The following KMO variants were observed in gnomAD, a reference collection of about 807,000 sequenced individuals.
KMO encodes kynurenine 3-hydroxylase.
Under a neutral mutation model 57.8 loss-of-function variants are expected in KMO, and 24 were observed. The observed-to-expected ratio is 0.42, with a 90% CI of 0.30 to 0.58. KMO has a LOEUF of 0.58. KMO is among the 20% of genes least tolerant of loss of function. KMO has a pLI of 0.22. For missense variants in KMO, 483 were observed against 588.2 expected, an observed-to-expected ratio of 0.82 and a Z score of 1.85; for synonymous variants, 210 against 193.6, an observed-to-expected ratio of 1.08 and a Z score of -0.70.
chr1:241,583,967 A>G (rs979967868), intron 10 of KMO, among the ~76,000 whole-genome samples: 1 of 152,018 alleles, frequency 6.6e-6, no homozygotes, highest in African/African-American at 2.4e-5. Context: ...CATTTATCTC[A>G]TTTACTTATT....
At chr1:241,551,705 A>G (rs1661398078) in intron 4 of KMO, among the ~76,000 whole-genome samples, 1 of 152,210 alleles carries the variant, frequency 6.6e-6, no homozygotes, top group South Asian at 2.1e-4. Context: ...TCGACAACAG[A>G]AAAACTCCAA....
At chr1:241,540,221 A>G (rs1484801755) in intron 1 of KMO, among the ~76,000 whole-genome samples, 1 of 152,182 alleles carries the variant, frequency 6.6e-6, no homozygotes, top group Non-Finnish European at 1.5e-5. Context: ...ATTCATTAGA[A>G]TTTGTGGTTT....
intron 10 of KMO, among the ~76,000 whole-genome samples, chr1:241,569,475 A>G (rs569846845): frequency 5.1e-4 from 78 of 152,202 alleles, no homozygotes; most frequent in African/African-American, 1.8e-3. Flanking sequence ...TGTTGTTGCA[A>G]ATGATGGCAT....
chr1:241,585,293 G>A (rs1662929378), intron 10 of KMO, among the ~76,000 whole-genome samples: 1 of 152,014 alleles, frequency 6.6e-6, no homozygotes, highest in Admixed American at 6.5e-5. Flanking sequence ...ACCTCAGAGA[G>A]TTGTGAAGAG....
intron 14 of KMO, 55 bp downstream of exon 14, chr1:241,590,318 G>T: frequency 1.5e-6 from 2 of 1,326,180 alleles, no homozygotes. Flanking sequence ...AAATGTCATA[G>T]TATTATGATT....
At chr1:241,556,782 G>A (rs1017976586) in intron 5 of KMO, among the ~76,000 whole-genome samples, 1 of 152,052 alleles carries the variant, frequency 6.6e-6, no homozygotes, top group African/African-American at 2.4e-5. Context: ...CCAGCTACTC[G>A]GGAGGCTGAG....
chr1:241,563,902 A>T (rs1661975444), intron 7 of KMO, among the ~76,000 whole-genome samples: 1 of 151,846 alleles, frequency 6.6e-6, no homozygotes, highest in Admixed American at 6.6e-5. Flanking sequence ...CACTCTTCTG[A>T]TGGTTGGAGT....
intron 4 of KMO, among the ~76,000 whole-genome samples, chr1:241,554,501 T>C (rs189636304): frequency 4.6e-5 from 7 of 151,852 alleles, no homozygotes; most frequent in African/African-American, 1.7e-4. Flanking sequence ...CTTAAACTCC[T>C]GACCTCAAGT....
At chr1:241,581,263 T>C (rs1280940658) in intron 10 of KMO, among the ~76,000 whole-genome samples, 1 of 152,078 alleles carries the variant, frequency 6.6e-6, no homozygotes, top group East Asian at 1.9e-4. Context: ...AGTTGAGTCT[T>C]ATCTTTTTAT....
chr1:241,593,772 G>A lies in KMO; in HGVS notation c.*1619G>A, dbSNP rs1229108396. 1.3e-5 allele frequency: 2 copies of A among 155,138 alleles called. No homozygotes were observed. Among genetic ancestry groups the A allele is most frequent in the African/African-American group, 4.8e-5 (2 of 41,434 alleles). 9.6% of individuals were successfully genotyped at this position (155,138 alleles called of 1,614,324 possible). ...AGAGAAACAACAAAACAAAGAAAAA[G>A]AGCTTTGAGTCTGTAGGGGCAGCAA... On this transcript the variant is annotated 3_prime_UTR_variant, in exon 15 of 15. Coordinates refer to ENST00000366559, the MANE Select transcript of KMO (RefSeq NM_003679.5).
chr1:241,560,782 A>G (rs1661806651), intron 6 of KMO, 30 bp downstream of exon 6: 1 of 1,459,646 alleles, frequency 6.9e-7, no homozygotes. Flanking sequence ...TGGACTTCAG[A>G]GGTGAAAGCT....
intron 4 of KMO, among the ~76,000 whole-genome samples, chr1:241,552,938 C>G (rs1214261602): frequency 6.6e-6 from 1 of 152,166 alleles, no homozygotes; most frequent in African/African-American, 2.4e-5. Flanking sequence ...CTCCTCAGTT[C>G]TTAATCCTAA....
At chr1:241,569,010 C>A (rs1274659176) in intron 10 of KMO, among the ~76,000 whole-genome samples, 1 of 151,888 alleles carries the variant, frequency 6.6e-6, no homozygotes, top group Admixed American at 6.6e-5. Flanking sequence ...ATTTTTACAT[C>A]TAATTTTTTA....
intron 10 of KMO, among the ~76,000 whole-genome samples, chr1:241,572,000 G>A (rs796382699): frequency 7.9e-5 from 12 of 151,086 alleles, no homozygotes; most frequent in African/African-American, 2.9e-4. Context: ...CCCAGTAGCT[G>A]GGACTACAGG....
chr1:241,547,331 T>C lies in KMO; in HGVS notation c.55-1498T>C, dbSNP rs375139916. Among the ~76,000 whole-genome samples the C allele has an allele frequency of 1.4e-4, 22 of 152,224 alleles. No homozygotes were observed. The East Asian group carries it at 4.2e-3, about 29-fold the overall frequency. ...AGCTTCTCATACTCAAAATAGACTATAGCATTTAAGAAGCAAGACACAGAA... is the reference window on the plus strand; with the variant it reads ...AGCTTCTCATACTCAAAATAGACTACAGCATTTAAGAAGCAAGACACAGAA... On this transcript the variant is annotated intron_variant, in intron 1 of 14. Transcript: ENST00000366559.
chr1:241,532,620 A>C (rs1660616945), intron 1 of KMO, 122 bp downstream of exon 1: 2 of 692,634 alleles, frequency 2.9e-6, no homozygotes. Flanking sequence ...CTGATATTTA[A>C]ATACAGCTAT....
intron 1 of KMO, among the ~76,000 whole-genome samples, chr1:241,532,879 C>T (rs1004694931): frequency 6.6e-5 from 10 of 152,076 alleles, no homozygotes; most frequent in African/African-American, 1.4e-4. Flanking sequence ...ACATTTGTTC[C>T]GCTTTGTTTA....
intron 10 of KMO, among the ~76,000 whole-genome samples, chr1:241,578,688 T>A (rs1662630031): frequency 6.6e-6 from 1 of 152,170 alleles, no homozygotes; most frequent in South Asian, 2.1e-4. Flanking sequence ...AGTAATTAAC[T>A]GGTTATGTGG....
chr1:241,555,636 A>C lies in KMO; in HGVS notation c.337A>C (p.Asn113His), dbSNP rs377482502. The change falls in exon 5 of 15, where the codon AAT becomes CAT. Residue 113 changes from asparagine (N) to histidine (H), a missense_variant. Transcript: ENST00000366559. The part of the protein sequence containing the change: ...SQYILSVSRE[N>H]LNKDLLTAAE... ...GTATATTCTTTCTGTAAGCAGAGAAAATCTAAACAAGGATCTATTGACTGG... is the reference window on the plus strand; with the variant it reads ...GTATATTCTTTCTGTAAGCAGAGAACATCTAAACAAGGATCTATTGACTGG... The C allele has an allele frequency of 1.3e-5, 20 of 1,579,040 alleles. No homozygotes were observed. The African/African-American group carries it at 2.4e-4, about 19-fold the overall frequency.
Sources: allele counts gnomAD v4.1 joint callset (sites outside exome capture counted in the v4.1 genomes callset), GRCh38; gene constraint gnomAD v4.1.1; transcripts MANE v1.5; gene names NCBI Gene and HGNC (gene_info 2026-07-23, HGNC 2026-07-21).